The following MLXIPL variants were observed in gnomAD, a reference collection of about 807,000 sequenced individuals.
The protein encoded by MLXIPL is carbohydrate-responsive element-binding protein.
In MLXIPL, 49 loss-of-function variants were observed where a neutral mutation model predicts 81.5. The ratio of observed to expected loss-of-function variants is 0.60; its 90% CI spans 0.48 to 0.76. The LOEUF (loss-of-function observed/expected upper bound fraction) is 0.76, where lower values mean the gene tolerates loss of function less well. Ranked by LOEUF, MLXIPL falls within the 30% of genes least tolerant of loss-of-function variation. The probability of loss-of-function intolerance (pLI) is 0.00; values close to 1 mark genes in which losing one functional copy is unlikely to be tolerated. For missense variants in MLXIPL, 1,053 were observed against 1,167.0 expected (o/e 0.90, Z 1.42); for synonymous variants, 466 against 485.5 (o/e 0.96, Z 0.53).
At chr7:73,647,732 G>C in the MLXIPL span, among the ~76,000 whole-genome samples, 36 of 152,000 alleles carry the variant, frequency 2.4e-4, no homozygotes, top group African/African-American at 7.5e-4. Context: ...CTTGGGTGAG[G>C]CCCCTGCACC....
chr7:73,615,809 A>C (rs1554600617), intron 2 of MLXIPL, among the ~76,000 whole-genome samples: 1 of 149,350 alleles, frequency 6.7e-6, no homozygotes, highest in Non-Finnish European at 1.5e-5. Flanking sequence ...GCTACTTGGG[A>C]GGCTGAGGCA....
intron 7 of MLXIPL, among the ~76,000 whole-genome samples, chr7:73,601,251 T>C (rs1179139257): frequency 6.7e-6 from 1 of 148,286 alleles, no homozygotes; most frequent in South Asian, 2.1e-4. Flanking sequence ...CCCCCAGAGA[T>C]AGAATCGTGC....
the MLXIPL span, among the ~76,000 whole-genome samples, chr7:73,634,555 C>A: frequency 1.3e-5 from 2 of 151,850 alleles, no homozygotes; most frequent in East Asian, 3.9e-4. Flanking sequence ...CCATGCCTGG[C>A]TAGTTTTTGT....
chr7:73,640,419 A>G, the MLXIPL span, among the ~76,000 whole-genome samples: 2 of 150,644 alleles, frequency 1.3e-5, no homozygotes, highest in Non-Finnish European at 1.5e-5. Context: ...AAAAAAAGAA[A>G]AAGAAAAAAA....
the MLXIPL span, among the ~76,000 whole-genome samples, chr7:73,630,214 G>T: frequency 1.3e-5 from 2 of 150,546 alleles, no homozygotes; most frequent in South Asian, 2.1e-4. Flanking sequence ...AGCCAGGAAG[G>T]TCTCGATCTC....
chr7:73,619,682 G>C (rs1796215492), intron 1 of MLXIPL, among the ~76,000 whole-genome samples: 2 of 151,734 alleles, frequency 1.3e-5, no homozygotes, highest in African/African-American at 4.8e-5. Context: ...TGTAATCCCA[G>C]CACTTTGGGA....
the MLXIPL span, among the ~76,000 whole-genome samples, chr7:73,645,853 C>T: frequency 1.3e-5 from 2 of 152,166 alleles, no homozygotes; most frequent in African/African-American, 4.8e-5. Context: ...GAGCCTTGAC[C>T]TCTCTGAGCC....
chr7:73,636,842 A>G, the MLXIPL span, among the ~76,000 whole-genome samples: 1 of 152,152 alleles, frequency 6.6e-6, no homozygotes. Flanking sequence ...CGGGTGGGTC[A>G]AGAGGTCAGG....
At chr7:73,606,520 G>C in intron 5 of MLXIPL, 1 of 312,460 alleles carries the variant, frequency 3.2e-6, no homozygotes, top group Non-Finnish European at 6.0e-6. Flanking sequence ...CCACCTCCCA[G>C]GTTCAAGCGA....
chr7:73,612,974 G>C (rs1795792294), intron 2 of MLXIPL, among the ~76,000 whole-genome samples: 2 of 152,142 alleles, frequency 1.3e-5, no homozygotes, highest in South Asian at 4.2e-4. Flanking sequence ...CTTGCCCCAG[G>C]AGCGGTGCAA....
rs139543215 is a variant in MLXIPL, at chr7:73,596,259, C to A, written c.1952G>T (p.Arg651Leu). 6.2e-7 allele frequency: 1 copy of A among 1,612,550 alleles called. No homozygotes were observed. Among genetic ancestry groups the A allele is most frequent in the Non-Finnish European group, 8.5e-7 (1 of 1,179,838 alleles). ...RPDSNKTENR[R>L]ITHISAEQKR... ...CTGCTCCGCGGAGATGTGTGTGATA[C>A]GCCGGTTCTCGGTCTCGGGGAGCAG... The change falls in exon 13 of 17, where the codon CGT (arginine) becomes CTT (leucine). Residue 651 changes from arginine to leucine, a missense_variant. Arg to Leu is a moderately radical substitution (Grantham distance 102). Coordinates refer to ENST00000313375, the MANE Select transcript of MLXIPL (RefSeq NM_032951.3). The surrounding 1 kb of genome is among the most constrained non-coding windows in gnomAD (Gnocchi z 4.7).
At chr7:73,634,241 T>C in the MLXIPL span, among the ~76,000 whole-genome samples, 297 of 152,184 alleles carry the variant, frequency 2.0e-3, 1 homozygote, top group African/African-American at 7.1e-3. Context: ...TACCAAAAAT[T>C]ACGAGTTTGC....
At chr7:73,600,765 G>T (rs1195204110) in intron 7 of MLXIPL, among the ~76,000 whole-genome samples, 1 of 150,086 alleles carries the variant, frequency 6.7e-6, no homozygotes, top group African/African-American at 2.5e-5. Context: ...TCTGAGTGGG[G>T]TGGGGCAAGG....
At chr7:73,640,634 G>A in the MLXIPL span, among the ~76,000 whole-genome samples, 3 of 151,654 alleles carry the variant, frequency 2.0e-5, no homozygotes, top group Non-Finnish European at 4.4e-5. Flanking sequence ...AAAATTAGCT[G>A]GGCATGGTGG....
chr7:73,607,138 G>A lies in MLXIPL; in HGVS notation c.574-120C>T, dbSNP rs572396728. The A allele has an allele frequency of 8.6e-6, 12 of 1,396,058 alleles. No homozygotes were observed. In the Admixed American group the frequency reaches 2.0e-4, roughly 23 times the overall value. The allele number at this position is 1,396,058 out of a possible 1,614,324, so 86.5% of individuals were successfully genotyped here. A position where few individuals can be genotyped will look rare whatever the true frequency, so the allele number is the denominator to read the frequency against. On this transcript the variant is annotated intron_variant, in intron 4 of 16. Transcript: ENST00000313375. ...CCCATTTCCCATCAGGAGCTCACCC[G>A]ACCCCTAGGTAAGGAGGCCGCTAGG...
At position 73,600,907 on chromosome 7, in the gene MLXIPL, C is replaced by T. The variant is rs1175498338; in HGVS notation, c.902-1212G>A. Among the ~76,000 whole-genome samples the T allele has an allele frequency of 3.9e-5, 6 of 152,066 alleles. No individual in the cohort carries two copies. In the East Asian group the frequency reaches 7.7e-4, roughly 20 times the overall value. On this transcript the variant is annotated intron_variant, in intron 7 of 16. Transcript: ENST00000313375. ...CTGACCACATCCCGGGCCTGGGCGC[C>T]GCCCGCCCACCCGCTCCCTTCCGGG...
chr7:73,599,071 GAAAAA>G (rs781997234), intron 8 of MLXIPL, among the ~76,000 whole-genome samples: 1 of 120,728 alleles, frequency 8.3e-6, no homozygotes, highest in South Asian at 2.6e-4. Flanking sequence ...CTGTCTCAAA[GAAAAA>G]AAAAAAAAAG....
the MLXIPL span, among the ~76,000 whole-genome samples, chr7:73,640,078 T>G: frequency 7.0e-6 from 1 of 142,982 alleles, no homozygotes; most frequent in Non-Finnish European, 1.5e-5. Context: ...TAAATATAAA[T>G]AAATAAAGTA....
At chr7:73,638,088 A>G in the MLXIPL span, among the ~76,000 whole-genome samples, 102 of 152,080 alleles carry the variant, frequency 6.7e-4, no homozygotes, top group African/African-American at 2.4e-3. Flanking sequence ...CCATCTGTAC[A>G]CCCAAAGCTG....
Sources: allele counts gnomAD v4.1 joint callset (sites outside exome capture counted in the v4.1 genomes callset), GRCh38; gene constraint gnomAD v4.1.1; non-coding constraint Gnocchi (gnomAD v3.1); transcripts MANE v1.5; gene names NCBI Gene and HGNC (gene_info 2026-07-23, HGNC 2026-07-21).